Variants in TADA2A observed in about 807,000 individuals in gnomAD.
TADA2A encodes transcriptional adapter 2-alpha.
A neutral mutation model predicts 67.4 loss-of-function variants in TADA2A; 38 were observed. The observed-to-expected ratio is 0.56, with a 90% confidence interval of 0.44 to 0.74. The LOEUF (loss-of-function observed/expected upper bound fraction) is 0.74. Ranked by LOEUF, TADA2A falls within the 30% of genes least tolerant of loss-of-function variation. The probability of loss-of-function intolerance (pLI) is 0.00; values close to 1 mark genes in which losing one functional copy is unlikely to be tolerated. For missense variants in TADA2A, 454 were observed against 547.0 expected, an observed-to-expected ratio of 0.83 and a Z score of 1.70; for synonymous variants, 192 against 181.6, an observed-to-expected ratio of 1.06 and a Z score of -0.46.
chr17:37,424,634 G>C (rs1014132828), intron 3 of TADA2A, among the ~76,000 whole-genome samples: 1 of 152,034 alleles, frequency 6.6e-6, no homozygotes, highest in Non-Finnish European at 1.5e-5. Context: ...TTGGCTCACC[G>C]CAACCTCTGC....
chr17:37,421,791 C>G lies in TADA2A; in HGVS notation c.26-1718C>G, dbSNP rs189706133. Among the ~76,000 whole-genome samples the G allele has an allele frequency of 1.9e-3, 193 of 103,190 alleles. 13 individuals carry two copies. The highest frequency in any genetic ancestry group is 7.2e-3 in the African/African-American group (187 of 26,080). The allele number at this position is 103,190 out of a possible 152,430, so 67.7% of individuals were successfully genotyped here. A position where few individuals can be genotyped will look rare whatever the true frequency, so the allele number is the denominator to read the frequency against. ...TAGGTGACAGAGTGAGACCCTATCT[C>G]AAAAAAAAAAGGAGTTTTCTCTTAT... On this transcript the variant is annotated intron_variant, in intron 2 of 15. Coordinates refer to ENST00000615182, the MANE Select transcript of TADA2A (RefSeq NM_001166105.3).
At chr17:37,467,578 C>T in intron 12 of TADA2A, 53 bp downstream of exon 12, 1 of 1,423,446 alleles carries the variant, frequency 7.0e-7, no homozygotes, top group Non-Finnish European at 9.8e-7. Context: ...CTTCCAGACA[C>T]ACAGAGGAAG....
At chr17:37,440,693 C>T in intron 6 of TADA2A, 31 bp downstream of exon 6, 2 of 1,612,472 alleles carry the variant, frequency 1.2e-6, no homozygotes, top group Non-Finnish European at 1.7e-6. Flanking sequence ...ATAAGATATA[C>T]TTAGCTCATC....
At chr17:37,434,150 C>G (rs963503455) in intron 4 of TADA2A, among the ~76,000 whole-genome samples, 5 of 152,164 alleles carry the variant, frequency 3.3e-5, no homozygotes, top group African/African-American at 1.2e-4. Context: ...TGTTCATGAC[C>G]TTGACAGGTC....
chr17:37,465,999 GT>G (rs2053656429), intron 11 of TADA2A, among the ~76,000 whole-genome samples: 1 of 152,166 alleles, frequency 6.6e-6, no homozygotes, highest in Non-Finnish European at 1.5e-5. Context: ...ATTAAAAGTA[GT>G]TTTAAAAATG....
intron 10 of TADA2A, among the ~76,000 whole-genome samples, chr17:37,462,380 G>A (rs1047841981): frequency 1.3e-5 from 2 of 152,048 alleles, no homozygotes; most frequent in African/African-American, 4.8e-5. Flanking sequence ...TGTAATCCCA[G>A]CACTTTGGGA....
chr17:37,409,593 CCCGT>C (rs1325499542), intron 1 of TADA2A, among the ~76,000 whole-genome samples: 1 of 150,928 alleles, frequency 6.6e-6, no homozygotes, highest in East Asian at 2.0e-4. Context: ...ATGGTGAAAC[CCCGT>C]CTCTACTAAA....
chr17:37,469,522 A>G (rs927668889), intron 12 of TADA2A, among the ~76,000 whole-genome samples: 1 of 151,826 alleles, frequency 6.6e-6, no homozygotes, highest in African/African-American at 2.4e-5. Flanking sequence ...AATCCCAGCT[A>G]CTCCGGAGGC....
chr17:37,449,095 G>A (rs1385549340), intron 8 of TADA2A, among the ~76,000 whole-genome samples: 10 of 151,410 alleles, frequency 6.6e-5, no homozygotes, highest in African/African-American at 1.2e-4. Context: ...ATCTTGGCTC[G>A]CTGCAAGCTC....
At chr17:37,447,522 CCTAACA>C (rs151227776) in intron 8 of TADA2A, among the ~76,000 whole-genome samples, 1,992 of 152,194 alleles carry the variant, frequency 0.013, 49 homozygotes, top group African/African-American at 0.046. Flanking sequence ...CACCTGTAAT[CCTAACA>C]CTTTGGGAGG....
At chr17:37,442,438 C>A in intron 6 of TADA2A, 126 bp from the exon 7 acceptor site, 3 of 733,564 alleles carry the variant, frequency 4.1e-6, no homozygotes, top group African/African-American at 1.8e-5. Flanking sequence ...TTTCATAATA[C>A]TTTATCTTTT....
chr17:37,412,558 G>A lies in TADA2A; in HGVS notation c.25+1168G>A, dbSNP rs530418193. 3.9e-4 allele frequency among the ~76,000 whole-genome samples: 59 copies of A among 152,218 alleles called. 1 individual carries two copies. Among genetic ancestry groups the A allele is most frequent in the Non-Finnish European group, 6.6e-4 (45 of 68,012 alleles). On this transcript the variant is annotated intron_variant, in intron 2 of 15. Coordinates refer to ENST00000615182, the MANE Select transcript of TADA2A (RefSeq NM_001166105.3). Reference sequence around the variant, plus strand: ...CCCAGCACTTTGGGAGGTCGAGGTGGGTGGATCATGAGGTCAGGAGTTTGA... The same window carrying A: ...CCCAGCACTTTGGGAGGTCGAGGTGAGTGGATCATGAGGTCAGGAGTTTGA...
chr17:37,440,489 T>TC lies in TADA2A; in HGVS notation c.285-13dup. 1 of 1,612,540 alleles carries TC rather than the reference T, an allele frequency of 6.2e-7. No homozygotes were observed. Among genetic ancestry groups the TC allele is most frequent in the African/African-American group, 1.3e-5 (1 of 74,978 alleles). ...AATACAAGTACCACTTCTCTCTTTT[T>TC]CCCACAATCCTCTAGGCAGGATGTA... On this transcript the variant is annotated splice_polypyrimidine_tract_variant and intron_variant, in intron 5 of 15. Coordinates refer to ENST00000615182, the MANE Select transcript of TADA2A (RefSeq NM_001166105.3).
At chr17:37,412,856 A>G (rs2051919808) in intron 2 of TADA2A, among the ~76,000 whole-genome samples, 1 of 152,072 alleles carries the variant, frequency 6.6e-6, no homozygotes, top group African/African-American at 2.4e-5. Context: ...TAGAAATTCC[A>G]TTGTTAGATG....
chr17:37,473,986 C>G (rs115979416), intron 14 of TADA2A, among the ~76,000 whole-genome samples: 1,622 of 152,288 alleles, frequency 0.011, 31 homozygotes, highest in African/African-American at 0.035. Flanking sequence ...GTTATTATTT[C>G]CATTCGTCAG....
chr17:37,448,530 T>A, intron 8 of TADA2A, among the ~76,000 whole-genome samples: 1 of 152,236 alleles, frequency 6.6e-6, no homozygotes. Context: ...TTGTCTCATG[T>A]ATGTTGTGAG....
intron 5 of TADA2A, among the ~76,000 whole-genome samples, chr17:37,440,005 G>A (rs778861824): frequency 2.8e-4 from 42 of 148,582 alleles, no homozygotes; most frequent in Non-Finnish European, 5.2e-4. Context: ...GTGCAATGGC[G>A]TGATCTCTGC....
chr17:37,463,604 T>A (rs982498296), intron 10 of TADA2A, among the ~76,000 whole-genome samples: 8 of 151,886 alleles, frequency 5.3e-5, no homozygotes, highest in Middle Eastern at 3.4e-3. Flanking sequence ...CTATATTTTT[T>A]AAAAATATAG....
At chr17:37,463,939 C>T (rs1224712699) in intron 10 of TADA2A, among the ~76,000 whole-genome samples, 4 of 151,302 alleles carry the variant, frequency 2.6e-5, no homozygotes, top group Non-Finnish European at 5.9e-5. Context: ...GGCGACACAG[C>T]GAGACTCCGT....
Sources: gnomAD v4.1 joint callset for allele counts (sites outside exome capture counted in the v4.1 genomes callset) on GRCh38, gnomAD v4.1.1 for gene constraint, MANE v1.5 for transcripts, NCBI Gene and HGNC (gene_info 2026-07-23, HGNC 2026-07-21) for gene names.